PCDHGA6: variants seen among roughly 807,000 people sequenced by gnomAD.
PCDHGA6 encodes the protein protocadherin gamma subfamily A, 6.
Under a neutral mutation model 60.6 loss-of-function variants are expected in PCDHGA6, and 41 were observed. The observed-to-expected ratio is 0.68, with a 90% CI of 0.53 to 0.88. The LOEUF is 0.88. Ranked by LOEUF, PCDHGA6 falls within the 40% of genes least tolerant of loss-of-function variation. PCDHGA6 has a pLI of 0.00. For missense variants in PCDHGA6, 1,312 were observed against 1,203.0 expected, an observed-to-expected ratio of 1.09 and a Z score of -1.34; for synonymous variants, 594 against 524.4, an observed-to-expected ratio of 1.13 and a Z score of -1.81.
At chr5:141,441,325 T>C (rs961263461) in intron 1 of PCDHGA6, 1 of 152,192 alleles carries the variant, frequency 6.6e-6, no homozygotes, top group African/African-American at 2.4e-5. Flanking sequence ...AGAAAAATCT[T>C]CCTCCAATAA....
chr5:141,477,080 A>C lies in PCDHGA6; in HGVS notation c.2425-17727A>C. 1 of 1,614,254 alleles carries C rather than the reference A, an allele frequency of 6.2e-7. No homozygotes were observed. ...GGACACCAAACTCCATGAGATTTAC[A>C]TCCAGGCCAAAGACAAGGGCGCCAA... On this transcript the variant is annotated intron_variant, in intron 1 of 3. Coordinates refer to ENST00000517434, the MANE Select transcript of PCDHGA6 (RefSeq NM_018919.3). This position sits in a 1 kb window ranked among gnomAD's most constrained non-coding sequence, Gnocchi z 4.9.
chr5:141,417,566 C>G, intron 1 of PCDHGA6: 1 of 362,746 alleles, frequency 2.8e-6, no homozygotes. Context: ...AGAGAAAAGT[C>G]AAGTTGCAGT....
At chr5:141,383,559 G>C in intron 1 of PCDHGA6, 1 of 1,612,810 alleles carries the variant, frequency 6.2e-7, no homozygotes, top group Non-Finnish European at 8.5e-7. Context: ...GCGGCGACCC[G>C]CCCCGATCCA....
chr5:141,481,348 T>C (rs2099536105), intron 1 of PCDHGA6, among the ~76,000 whole-genome samples: 1 of 152,250 alleles, frequency 6.6e-6, no homozygotes, highest in Non-Finnish European at 1.5e-5. Flanking sequence ...TATTTAAACA[T>C]CTACAGCTGT....
intron 1 of PCDHGA6, chr5:141,399,509 AC>A: frequency 6.2e-7 from 1 of 1,613,968 alleles, no homozygotes; most frequent in Non-Finnish European, 8.5e-7. Flanking sequence ...CCCGAAAACA[AC>A]CCTCCTGGGG....
chr5:141,405,400 T>C (rs986034251), intron 1 of PCDHGA6: 3 of 1,590,732 alleles, frequency 1.9e-6, no homozygotes, highest in Non-Finnish European at 2.6e-6. Flanking sequence ...TTTTCTTTCT[T>C]TCTTTTCTTT....
At chr5:141,388,611 A>T (rs773007125) in intron 1 of PCDHGA6, 13 of 1,613,850 alleles carry the variant, frequency 8.1e-6, no homozygotes, top group Non-Finnish European at 6.8e-6. Context: ...TCCAGTGTTC[A>T]GTCAAGACGT....
chr5:141,479,710 T>C (rs901198074), intron 1 of PCDHGA6: 1 of 152,264 alleles, frequency 6.6e-6, no homozygotes, highest in African/African-American at 2.4e-5. Flanking sequence ...GTCCCTGTCC[T>C]TCCAGCCTTA....
intron 1 of PCDHGA6, chr5:141,384,393 G>A (rs763875742): frequency 1.2e-6 from 2 of 1,613,790 alleles, no homozygotes; most frequent in Non-Finnish European, 1.7e-6. Context: ...CCATCCAGGG[G>A]GCTCCAGTGT....
Position 141,373,898 on chromosome 5 carries a change from A to G in PCDHGA6, c.-186A>G, listed in dbSNP as rs1039826496. On this transcript the variant is annotated 5_prime_UTR_variant, in exon 1 of 4. Transcript: ENST00000517434. ...GAAAATCAACGGAAACTCAAGTTAC[A>G]TCCTCCAACAACAAAGCAAATTAGA... The G allele has an allele frequency of 1.3e-5, 7 of 541,044 alleles. No homozygotes were observed. Among genetic ancestry groups the G allele is most frequent in the African/African-American group, 1.2e-4 (6 of 51,696 alleles). 33.5% of individuals were successfully genotyped at this position (541,044 alleles called of 1,614,324 possible).
intron 1 of PCDHGA6, among the ~76,000 whole-genome samples, chr5:141,406,166 G>A (rs778809031): frequency 1.6e-4 from 24 of 151,400 alleles, no homozygotes; most frequent in Non-Finnish European, 3.2e-4. Context: ...TCAATCTCCT[G>A]GGCTTATGCA....
intron 3 of PCDHGA6, chr5:141,507,285 C>T (rs80317708): frequency 2.7e-5 from 4 of 150,212 alleles, no homozygotes; most frequent in African/African-American, 7.4e-5. Flanking sequence ...ATAAGTCAGT[C>T]TCAAATGTTG....
chr5:141,490,497 C>T lies in PCDHGA6; in HGVS notation c.2425-4310C>T. 8 of 1,614,196 alleles carry T rather than the reference C, an allele frequency of 5.0e-6. No individual in the cohort carries two copies. Among genetic ancestry groups the T allele is most frequent in the Non-Finnish European group, 6.8e-6 (8 of 1,180,038 alleles). ...CTTTGGACCGGGAGGCCACATCCCACTATATCATCGAGCTGCTGGCCAGCG... is the reference window on the plus strand; with the variant it reads ...CTTTGGACCGGGAGGCCACATCCCATTATATCATCGAGCTGCTGGCCAGCG... On this transcript the variant is annotated intron_variant, in intron 1 of 3. Transcript: ENST00000517434. The surrounding 1 kb of genome is among the most constrained non-coding windows in gnomAD (Gnocchi z 5.4).
At chr5:141,481,894 A>G (rs1278425155) in intron 1 of PCDHGA6, among the ~76,000 whole-genome samples, 1 of 145,812 alleles carries the variant, frequency 6.9e-6, no homozygotes, top group Non-Finnish European at 1.5e-5. Flanking sequence ...AGCCTGGGTG[A>G]AAGAGCGAAA....
intron 1 of PCDHGA6, among the ~76,000 whole-genome samples, chr5:141,473,942 GC>G (rs1443545533): frequency 1.3e-5 from 2 of 152,124 alleles, no homozygotes; most frequent in African/African-American, 4.8e-5. Context: ...AGTAGCTCAG[GC>G]CTGTAGTCCC....
chr5:141,488,751 C>T (rs1185515068), intron 1 of PCDHGA6, among the ~76,000 whole-genome samples: 1 of 152,154 alleles, frequency 6.6e-6, no homozygotes, highest in Non-Finnish European at 1.5e-5. Context: ...CAGGAAGTTG[C>T]TGGGACAGAA....
In PCDHGA6 at chr5:141,422,435, A is replaced by G. The variant is rs199795822; in HGVS notation, c.2424+45928A>G. 7.8e-4 allele frequency: 1,254 copies of G among 1,609,700 alleles called. 7 individuals are homozygous for G. The highest frequency in any genetic ancestry group is 2.1e-3 in the South Asian group (193 of 90,090). Reference sequence around the variant, plus strand: ...TTAGAAAAGACTTATGGAAATTATTACAAATTGATAACAAGCAGAGTGCTG... The same window carrying G: ...TTAGAAAAGACTTATGGAAATTATTGCAAATTGATAACAAGCAGAGTGCTG... On this transcript the variant is annotated intron_variant, in intron 1 of 3. Transcript: ENST00000517434.
chr5:141,431,460 A>T lies in PCDHGA6; in HGVS notation c.2424+54953A>T, dbSNP rs761879594. On this transcript the variant is annotated intron_variant, in intron 1 of 3. Transcript: ENST00000517434. This position sits in a 1 kb window ranked among gnomAD's most constrained non-coding sequence, Gnocchi z 4.8. The stretch of plus-strand genomic sequence containing the variant: ...GCGCGCATCCGCGTGATGGTTCTGG[A>T]TGCGAACGACAACGCACCAGCGTTT... The T allele has an allele frequency of 6.2e-7, 1 of 1,613,794 alleles. No individual in the cohort carries two copies. The highest frequency in any genetic ancestry group is 1.7e-5 in the Admixed American group (1 of 60,032).
rs2099718995 is a variant in PCDHGA6 at position 141,491,523 on chromosome 5, G to A, written c.2425-3284G>A. On this transcript the variant is annotated intron_variant, in intron 1 of 3. Transcript: ENST00000517434. This position sits in a 1 kb window ranked among gnomAD's most constrained non-coding sequence, Gnocchi z 6.9. ...CGGACGGCACGCTCAAGTACATGGAGGTGACGCTGCGGCCCACAGACTCGC... is the reference window on the plus strand; with the variant it reads ...CGGACGGCACGCTCAAGTACATGGAAGTGACGCTGCGGCCCACAGACTCGC... The A allele has an allele frequency of 3.1e-6, 5 of 1,613,954 alleles. No individual in the cohort carries two copies. The highest frequency in any genetic ancestry group is 3.4e-6 in the Non-Finnish European group (4 of 1,180,032).
Sources: gnomAD v4.1 joint callset for allele counts (sites outside exome capture counted in the v4.1 genomes callset) on GRCh38, gnomAD v4.1.1 for gene constraint, Gnocchi (gnomAD v3.1) non-coding constraint, MANE v1.5 for transcripts, NCBI Gene and HGNC (gene_info 2026-07-23, HGNC 2026-07-21) for gene names.